The following PRPSAP2 variants were observed in gnomAD, a reference collection of about 807,000 sequenced individuals.
PRPSAP2 encodes the protein phosphoribosyl pyrophosphate synthetase associated protein 2.
Under a neutral mutation model 40.6 loss-of-function variants are expected in PRPSAP2, and 24 were observed. The observed-to-expected ratio is 0.59, with a 90% CI of 0.43 to 0.83. The LOEUF (loss-of-function observed/expected upper bound fraction) is 0.83. PRPSAP2 is among the 40% of genes least tolerant of loss of function. PRPSAP2 has a pLI of 0.00. For synonymous variants in PRPSAP2, 149 were observed against 164.7 expected (o/e 0.90, Z 0.73); for missense variants, 292 against 465.6 (o/e 0.63, Z 3.43).
chr17:18,930,718 C>A lies in PRPSAP2; in HGVS notation c.*20C>A, dbSNP rs539200746. 462 of 1,596,518 alleles carry A rather than the reference C, an allele frequency of 2.9e-4. 6 individuals are homozygous for A. In the South Asian group the frequency reaches 5.0e-3, roughly 17 times the overall value. ...GACTGAGTTTTCCTTTAGGAAAACTCCCGAGGGCCAAACTGGAAACATAAG... is the reference window on the plus strand; with the variant it reads ...GACTGAGTTTTCCTTTAGGAAAACTACCGAGGGCCAAACTGGAAACATAAG... On this transcript the variant is annotated 3_prime_UTR_variant, in exon 12 of 12. Coordinates refer to ENST00000268835, the MANE Select transcript of PRPSAP2 (RefSeq NM_002767.4).
At chr17:18,920,050 C>T (rs2041605456) in intron 9 of PRPSAP2, among the ~76,000 whole-genome samples, 1 of 152,146 alleles carries the variant, frequency 6.6e-6, no homozygotes, top group Non-Finnish European at 1.5e-5. Flanking sequence ...GGGGCTGCCG[C>T]TCCCTTTCAG....
intron 4 of PRPSAP2, among the ~76,000 whole-genome samples, chr17:18,869,428 C>T (rs564639232): frequency 2.0e-5 from 3 of 150,908 alleles, no homozygotes; most frequent in Non-Finnish European, 4.4e-5. Flanking sequence ...GCCTCTGCCT[C>T]CTGGGCTCAT....
At chr17:18,885,595 G>T (rs1401538387) in intron 7 of PRPSAP2, among the ~76,000 whole-genome samples, 2 of 148,898 alleles carry the variant, frequency 1.3e-5, no homozygotes, top group East Asian at 3.9e-4. Flanking sequence ...TTTGTTTTTT[G>T]TTTTTTTTTG....
At chr17:18,928,650 G>A (rs898288642) in intron 10 of PRPSAP2, 161 bp from the exon 11 acceptor site, 1 of 841,274 alleles carries the variant, frequency 1.2e-6, no homozygotes, top group South Asian at 1.4e-5. Flanking sequence ...GCTGCCATGG[G>A]GCACGGTGAT....
chr17:18,878,104 C>A lies in PRPSAP2; in HGVS notation c.412+234C>A, dbSNP rs551934051. 5.3e-5 allele frequency among the ~76,000 whole-genome samples: 8 copies of A among 152,252 alleles called. No individual in the cohort carries two copies. The South Asian group carries it at 1.7e-3, about 32-fold the overall frequency. ...CTAATTTTTAAATTTTTTGTAGATACTGGGTCTTACTATGTTGTTCAGGCT... is the reference window on the plus strand; with the variant it reads ...CTAATTTTTAAATTTTTTGTAGATAATGGGTCTTACTATGTTGTTCAGGCT... On this transcript the variant is annotated intron_variant, in intron 6 of 11. Transcript: ENST00000268835.
chr17:18,868,764 C>T (rs1454497548), intron 4 of PRPSAP2, among the ~76,000 whole-genome samples: 1 of 147,492 alleles, frequency 6.8e-6, no homozygotes, highest in Non-Finnish European at 1.5e-5. Context: ...CATTATGTTG[C>T]CCAGGCTTAT....
chr17:18,889,811 G>A lies in PRPSAP2; in HGVS notation c.529-11G>A. On this transcript the variant is annotated splice_polypyrimidine_tract_variant and intron_variant, in intron 7 of 11. Coordinates refer to ENST00000268835, the MANE Select transcript of PRPSAP2 (RefSeq NM_002767.4). ...GACATGCAGTAATACCTGACTTCTTGTCTGTCACAGATCCCAGATTACAGG... is the reference window on the plus strand; with the variant it reads ...GACATGCAGTAATACCTGACTTCTTATCTGTCACAGATCCCAGATTACAGG... The A allele has an allele frequency of 2.5e-6, 4 of 1,604,420 alleles. No homozygotes were observed. The highest frequency in any genetic ancestry group is 3.4e-6 in the Non-Finnish European group (4 of 1,175,062).
intron 4 of PRPSAP2, among the ~76,000 whole-genome samples, chr17:18,872,302 C>T (rs868503449): frequency 5.9e-5 from 9 of 151,564 alleles, no homozygotes; most frequent in Middle Eastern, 3.4e-3. Context: ...TTACCATGCT[C>T]GGAGTGGTAC....
intron 7 of PRPSAP2, among the ~76,000 whole-genome samples, chr17:18,888,953 T>C (rs1194246184): frequency 6.6e-6 from 1 of 152,292 alleles, no homozygotes. Flanking sequence ...TTAATTGTTA[T>C]TAACTGTTTT....
At chr17:18,917,941 CT>C (rs1262611081) in intron 9 of PRPSAP2, among the ~76,000 whole-genome samples, 1 of 151,974 alleles carries the variant, frequency 6.6e-6, no homozygotes, top group African/African-American at 2.4e-5. Flanking sequence ...TTGTGAGGCT[CT>C]GCTTTTCAGC....
intron 3 of PRPSAP2, among the ~76,000 whole-genome samples, chr17:18,866,983 G>A (rs981745622): frequency 6.6e-6 from 1 of 151,990 alleles, no homozygotes; most frequent in African/African-American, 2.4e-5. Flanking sequence ...AGCCTCTGCA[G>A]CATGCAGGAG....
chr17:18,882,543 G>A, intron 6 of PRPSAP2, 25 bp from the exon 7 acceptor site: 2 of 1,373,958 alleles, frequency 1.5e-6, no homozygotes, highest in Non-Finnish European at 2.0e-6. Flanking sequence ...ACTATTTATT[G>A]CTTGTGTCTG....
At chr17:18,929,376 T>TAAC (rs924335045) in intron 11 of PRPSAP2, among the ~76,000 whole-genome samples, 1 of 150,352 alleles carries the variant, frequency 6.7e-6, no homozygotes, top group Non-Finnish European at 1.5e-5. Flanking sequence ...ATAATAATAA[T>TAAC]AATAATAATA....
intron 3 of PRPSAP2, among the ~76,000 whole-genome samples, chr17:18,866,479 G>A (rs8182287): frequency 0.11 from 16,065 of 152,032 alleles, 1,385 homozygotes; most frequent in East Asian, 0.45. Flanking sequence ...CAGGAGAATC[G>A]CTTGAACGCA....
At chr17:18,921,383 G>C (rs2041681340) in intron 9 of PRPSAP2, among the ~76,000 whole-genome samples, 1 of 152,080 alleles carries the variant, frequency 6.6e-6, no homozygotes, top group Non-Finnish European at 1.5e-5. Flanking sequence ...TTTTTCACCG[G>C]CATTGAGGTC....
chr17:18,911,016 T>C lies in PRPSAP2; in HGVS notation c.585-87T>C. On this transcript the variant is annotated intron_variant, in intron 8 of 11. Coordinates refer to ENST00000268835, the MANE Select transcript of PRPSAP2 (RefSeq NM_002767.4). This position sits in a 1 kb window ranked among gnomAD's most constrained non-coding sequence, Gnocchi z 4.5. ...GTCCTTTGGGAGACAACATTCTACT[T>C]ATGTTCTCTTAATGTTTTGTCCCCT... 2 of 1,389,032 alleles carry C rather than the reference T, an allele frequency of 1.4e-6. No homozygotes were observed. Among genetic ancestry groups the C allele is most frequent in the Non-Finnish European group, 1.9e-6 (2 of 1,043,244 alleles). 86.0% of individuals were successfully genotyped at this position (1,389,032 alleles called of 1,614,324 possible).
chr17:18,896,637 T>C (rs2039926925), intron 8 of PRPSAP2, among the ~76,000 whole-genome samples: 1 of 134,306 alleles, frequency 7.4e-6, no homozygotes, highest in South Asian at 2.4e-4. Flanking sequence ...GTATTGTCAC[T>C]TCAGGCGGCT....
At chr17:18,868,007 G>A (rs1025515746) in intron 4 of PRPSAP2, among the ~76,000 whole-genome samples, 1 of 151,894 alleles carries the variant, frequency 6.6e-6, no homozygotes, top group South Asian at 2.1e-4. Flanking sequence ...GTGGTGGTTT[G>A]CACTTGTAGT....
intron 1 of PRPSAP2, among the ~76,000 whole-genome samples, chr17:18,859,964 T>G (rs2151870080): frequency 6.6e-6 from 1 of 152,294 alleles, no homozygotes; most frequent in South Asian, 2.1e-4. Flanking sequence ...CAGGTTGGTC[T>G]CAAACTCCTG....
Sources: gnomAD v4.1 joint callset for allele counts (sites outside exome capture counted in the v4.1 genomes callset) on GRCh38, gnomAD v4.1.1 for gene constraint, Gnocchi (gnomAD v3.1) non-coding constraint, MANE v1.5 for transcripts, NCBI Gene and HGNC (gene_info 2026-07-23, HGNC 2026-07-21) for gene names.